Variants in TGFBR3 observed in about 807,000 individuals in gnomAD.
TGFBR3 encodes transforming growth factor beta receptor 3, also known as transforming growth factor beta receptor type 3.
TGFBR3 carries 46 observed loss-of-function variants against 87.9 expected under a neutral mutation model. The observed-to-expected ratio is 0.52, with a 90% CI of 0.41 to 0.67. The LOEUF (loss-of-function observed/expected upper bound fraction) is 0.67. TGFBR3 is among the 30% of genes least tolerant of loss of function. The pLI, the probability that TGFBR3 is intolerant of heterozygous loss-of-function variation, is 0.00. For missense variants in TGFBR3, 866 were observed against 1,041.9 expected (o/e 0.83, Z 2.32); for synonymous variants, 381 against 391.6 (o/e 0.97, Z 0.32).
intron 2 of TGFBR3, among the ~76,000 whole-genome samples, chr1:91,820,043 A>C (rs1160291501): frequency 6.6e-6 from 1 of 152,252 alleles, no homozygotes; most frequent in Non-Finnish European, 1.5e-5. Context: ...AAATGAGAGA[A>C]TACACAAGAA....
chr1:91,774,158 TTGA>T, intron 3 of TGFBR3, among the ~76,000 whole-genome samples: 1 of 152,166 alleles, frequency 6.6e-6, no homozygotes, highest in South Asian at 2.1e-4. Context: ...CTTTTTTTTT[TTGA>T]GAGTCTCACT....
chr1:91,748,299 T>C (rs1276521021), intron 4 of TGFBR3, among the ~76,000 whole-genome samples: 1 of 152,136 alleles, frequency 6.6e-6, no homozygotes, highest in Admixed American at 6.5e-5. Context: ...GCAAAGAAGG[T>C]TGAACTGCAC....
intron 14 of TGFBR3, among the ~76,000 whole-genome samples, chr1:91,705,659 C>T (rs1302241595): frequency 6.6e-6 from 1 of 152,212 alleles, no homozygotes; most frequent in African/African-American, 2.4e-5. Flanking sequence ...GAGTCACACA[C>T]AGCTGAAACC....
intron 4 of TGFBR3, among the ~76,000 whole-genome samples, chr1:91,739,744 C>T (rs1367080371): frequency 6.6e-6 from 1 of 152,176 alleles, no homozygotes; most frequent in Non-Finnish European, 1.5e-5. Context: ...ATACCTGGGA[C>T]TGGGTAATTT....
chr1:91,709,104 T>C (rs1282858706), intron 13 of TGFBR3, among the ~76,000 whole-genome samples: 2 of 152,240 alleles, frequency 1.3e-5, no homozygotes, highest in East Asian at 3.8e-4. Flanking sequence ...TGCCTAGTGT[T>C]GGTCCTCACC....
chr1:91,768,541 A>T (rs921503431), intron 3 of TGFBR3, among the ~76,000 whole-genome samples: 2 of 152,198 alleles, frequency 1.3e-5, no homozygotes, highest in Non-Finnish European at 2.9e-5. Context: ...AGGTGACTGC[A>T]TTATAGGGGT....
chr1:91,704,923 C>A (rs1257665731), intron 14 of TGFBR3, among the ~76,000 whole-genome samples: 1 of 152,202 alleles, frequency 6.6e-6, no homozygotes, highest in Non-Finnish European at 1.5e-5. Context: ...GGCCACAGAG[C>A]AGCTCTCTGC....
chr1:91,754,401 G>C (rs1171179514), intron 4 of TGFBR3, among the ~76,000 whole-genome samples: 1 of 151,846 alleles, frequency 6.6e-6, no homozygotes, highest in Non-Finnish European at 1.5e-5. Context: ...TTGTTCTCTG[G>C]GCCACCCATA....
intron 4 of TGFBR3, among the ~76,000 whole-genome samples, chr1:91,756,623 C>T: frequency 6.6e-6 from 1 of 152,304 alleles, no homozygotes; most frequent in South Asian, 2.1e-4. Flanking sequence ...TAAATAATTA[C>T]TGATTTTTGA....
intron 3 of TGFBR3, among the ~76,000 whole-genome samples, chr1:91,769,711 A>T (rs891995103): frequency 6.6e-6 from 1 of 151,740 alleles, no homozygotes; most frequent in African/African-American, 2.4e-5. Context: ...TTTTACTCTG[A>T]CACAAACCGA....
intron 2 of TGFBR3, among the ~76,000 whole-genome samples, chr1:91,832,940 G>A (rs1676904778): frequency 6.6e-6 from 1 of 151,656 alleles, no homozygotes; most frequent in Non-Finnish European, 1.5e-5. Context: ...CCCGGGAGGT[G>A]GAGGTTGCAG....
At chr1:91,717,668 G>A (rs1352310534) in intron 10 of TGFBR3, among the ~76,000 whole-genome samples, 2 of 144,520 alleles carry the variant, frequency 1.4e-5, no homozygotes, top group Non-Finnish European at 3.0e-5. Flanking sequence ...GTCTCCAAAG[G>A]GAGTAGGATG....
chr1:91,681,383 G>A lies in TGFBR3; in HGVS notation c.*2356C>T, dbSNP rs759637948. 4.9e-6 allele frequency: 2 copies of A among 405,950 alleles called. No individual in the cohort carries two copies. The highest frequency in any genetic ancestry group is 3.9e-5 in the South Asian group (2 of 51,878). The allele number at this position is 405,950 out of a possible 1,614,324, so 25.1% of individuals were successfully genotyped here. A position where few individuals can be genotyped will look rare whatever the true frequency, so the allele number is the denominator to read the frequency against. ...GACAATGAGACCCAAACAAATAAAAGGTGATTTTTTTCCTCTCTCTCTCTT... is the reference window on the plus strand; with the variant it reads ...GACAATGAGACCCAAACAAATAAAAAGTGATTTTTTTCCTCTCTCTCTCTT... On this transcript the variant is annotated 3_prime_UTR_variant, in exon 17 of 17. Coordinates refer to ENST00000212355, the MANE Select transcript of TGFBR3 (RefSeq NM_003243.5).
intron 14 of TGFBR3, among the ~76,000 whole-genome samples, chr1:91,708,064 C>G (rs1013392065): frequency 6.6e-6 from 1 of 152,202 alleles, no homozygotes; most frequent in Admixed American, 6.5e-5. Context: ...TTCCTTTTCT[C>G]ACAGAAGATA....
At chr1:91,812,764 C>T (rs1019868926) in intron 2 of TGFBR3, among the ~76,000 whole-genome samples, 1 of 152,162 alleles carries the variant, frequency 6.6e-6, no homozygotes, top group Admixed American at 6.5e-5. Context: ...CAGGTACTCA[C>T]CACCATGCCC....
chr1:91,867,089 C>A (rs902883563), intron 1 of TGFBR3, among the ~76,000 whole-genome samples: 1 of 152,172 alleles, frequency 6.6e-6, no homozygotes, highest in African/African-American at 2.4e-5. Flanking sequence ...TTAGCTACAT[C>A]ACAGAGTTGT....
At chr1:91,727,958 G>A (rs1672606702) in intron 6 of TGFBR3, 152 bp from the exon 7 acceptor site, 1 of 787,072 alleles carries the variant, frequency 1.3e-6, no homozygotes, top group East Asian at 2.7e-5. Context: ...AAAACAGATT[G>A]TTACTGCACA....
intron 6 of TGFBR3, among the ~76,000 whole-genome samples, chr1:91,728,813 C>T (rs1450388135): frequency 3.3e-5 from 5 of 152,168 alleles, no homozygotes; most frequent in Non-Finnish European, 7.3e-5. Context: ...ATTTTCAAGT[C>T]ACTAGTCCAG....
intron 4 of TGFBR3, 104 bp downstream of exon 4, chr1:91,758,509 G>T: frequency 7.5e-7 from 1 of 1,329,812 alleles, no homozygotes; most frequent in Non-Finnish European, 1.1e-6. Flanking sequence ...TTGGACTCTG[G>T]CATTATTTCA....
Sources: gnomAD v4.1 joint callset for allele counts (sites outside exome capture counted in the v4.1 genomes callset) on GRCh38, gnomAD v4.1.1 for gene constraint, MANE v1.5 for transcripts, NCBI Gene and HGNC (gene_info 2026-07-23, HGNC 2026-07-21) for gene names.